Variants in SLC39A14 observed in about 807,000 individuals in gnomAD.
The protein encoded by SLC39A14 is solute carrier family 39 member 14.
A neutral mutation model predicts 45.5 loss-of-function variants in SLC39A14; 19 were observed. That is an observed-to-expected ratio of 0.42 (90% CI 0.29 to 0.61). The LOEUF is 0.61. Ranked by LOEUF, SLC39A14 falls within the 20% of genes least tolerant of loss-of-function variation. The pLI is 0.22. For synonymous variants in SLC39A14, 264 were observed against 251.3 expected, an observed-to-expected ratio of 1.05 and a Z score of -0.48; for missense variants, 447 against 616.5, an observed-to-expected ratio of 0.73 and a Z score of 2.91.
intron 1 of SLC39A14, among the ~76,000 whole-genome samples, chr8:22,370,498 G>T (rs10096738): frequency 0.035 from 5,343 of 152,262 alleles, 317 homozygotes; most frequent in African/African-American, 0.12. Context: ...GGACTTTGGT[G>T]ATCTTGGAGT....
chr8:22,404,855 C>A lies in SLC39A14; in HGVS notation c.145C>A (p.His49Asn), dbSNP rs1023012489. The change falls in exon 2 of 9, where the codon CAT becomes AAT. Residue 49 changes from histidine (H) to asparagine (N), a missense_variant. His to Asn is a moderately conservative substitution (Grantham distance 68). Around this residue, in one of 2 missense-constraint regions of SLC39A14, gnomAD observed 342 missense variants for 428.1 expected, o/e 0.80. Coordinates refer to ENST00000381237, the MANE Select transcript of SLC39A14 (RefSeq NM_001128431.4). ...SAASFLQDLI[H>N]RYGEGDSLTL... ...TGCCTCCTTCCTGCAGGATCTAATA[C>A]ATCGGTATGGCGAGGGTGACAGCCT... is the stretch of plus-strand genomic sequence containing the variant. The A allele has an allele frequency of 6.2e-7, 1 of 1,614,218 alleles. No homozygotes were observed. Among genetic ancestry groups the A allele is most frequent in the Admixed American group, 1.7e-5 (1 of 60,034 alleles).
chr8:22,416,322 G>A lies in SLC39A14; in HGVS notation c.1147+42G>A, dbSNP rs772785002. On this transcript the variant is annotated intron_variant, in intron 7 of 8. Coordinates refer to ENST00000381237, the MANE Select transcript of SLC39A14 (RefSeq NM_001128431.4). ...CGTTCCACTGGTGCTCCCTTGGGTG[G>A]TGGTGTAGGCCCCCTTCCTGTGGCC... 25 of 1,561,068 alleles carry A rather than the reference G, an allele frequency of 1.6e-5. No homozygotes were observed. In the Admixed American group the frequency reaches 2.5e-4, roughly 16 times the overall value.
chr8:22,392,577 G>A lies in SLC39A14; in HGVS notation c.-15-12119G>A, dbSNP rs532668346. 3.7e-4 allele frequency among the ~76,000 whole-genome samples: 56 copies of A among 152,354 alleles called. 1 individual carries two copies. The highest frequency in any genetic ancestry group is 1.3e-3 in the African/African-American group (55 of 41,592). On this transcript the variant is annotated intron_variant, in intron 1 of 8. Coordinates refer to ENST00000381237, the MANE Select transcript of SLC39A14 (RefSeq NM_001128431.4). The stretch of plus-strand genomic sequence containing the variant: ...CAAATGGGAGTGAACTTGGACGACA[G>A]GGAGAATTTTGCAACTGTCTGGGAA...
rs1218718510 is a variant in SLC39A14, at chr8:22,379,938, A to G, written c.-16+12530A>G. Among the ~76,000 whole-genome samples the G allele has an allele frequency of 3.6e-4, 48 of 132,382 alleles. 1 individual carries two copies. Among genetic ancestry groups the G allele is most frequent in the Middle Eastern group, 6.8e-3 (2 of 292 alleles). 86.8% of individuals were successfully genotyped at this position (132,382 alleles called of 152,430 possible). ...GTGAGACTCCATCTCAAAAAAAAAA[A>G]AAAAAAAAAGAAAAGAAAAGAAACA... On this transcript the variant is annotated intron_variant, in intron 1 of 8. Transcript: ENST00000381237.
In SLC39A14 at chr8:22,409,866, C is replaced by G. The variant is rs1835463673; in HGVS notation, c.457+1370C>G. On this transcript the variant is annotated intron_variant, in intron 3 of 8. Transcript: ENST00000381237. Reference sequence around the variant, plus strand: ...CAGTCTGCCCCATCACACCTGAATTCAGAACAGGGCCGCCCCAGGCAGCAG... The same window carrying G: ...CAGTCTGCCCCATCACACCTGAATTGAGAACAGGGCCGCCCCAGGCAGCAG... The G allele has an allele frequency of 2.0e-6, 3 of 1,503,940 alleles. No individual in the cohort carries two copies. The South Asian group carries it at 3.5e-5, about 18-fold the overall frequency. The allele number at this position is 1,503,940 out of a possible 1,614,324, so 93.2% of individuals were successfully genotyped here. A position where few individuals can be genotyped will look rare whatever the true frequency, so the allele number is the denominator to read the frequency against.
chr8:22,380,715 C>T (rs941099097), intron 1 of SLC39A14, among the ~76,000 whole-genome samples: 1 of 151,736 alleles, frequency 6.6e-6, no homozygotes, highest in Admixed American at 6.6e-5. Context: ...CTCACTCTGT[C>T]GCCCAGGCTG....
In SLC39A14 at chr8:22,421,022, C is replaced by T; in HGVS notation, c.*1324C>T. On this transcript the variant is annotated 3_prime_UTR_variant, in exon 9 of 9. Transcript: ENST00000381237. Reference sequence around the variant, plus strand: ...CTTAGCCACTGTGGAGCCCTTGCCTCCGAGCTCTGGCTTCAAGGGGAGCTC... The same window carrying T: ...CTTAGCCACTGTGGAGCCCTTGCCTTCGAGCTCTGGCTTCAAGGGGAGCTC... The T allele has an allele frequency of 1.0e-6, 1 of 985,866 alleles. No individual in the cohort carries two copies. Among genetic ancestry groups the T allele is most frequent in the Non-Finnish European group, 1.2e-6 (1 of 829,934 alleles). The allele number at this position is 985,866 out of a possible 1,614,324, so 61.1% of individuals were successfully genotyped here.
chr8:22,428,662 C>T (rs1250461672), intron 8 of SLC39A14, among the ~76,000 whole-genome samples: 2 of 151,630 alleles, frequency 1.3e-5, no homozygotes, highest in Non-Finnish European at 1.5e-5. Flanking sequence ...AGGCTGGTCT[C>T]GATCTCTTGA....
chr8:22,385,491 G>A (rs746874372), intron 1 of SLC39A14, among the ~76,000 whole-genome samples: 6 of 152,178 alleles, frequency 3.9e-5, no homozygotes, highest in African/African-American at 1.2e-4. Context: ...ACTGAGACCT[G>A]TTAGGAAGAT....
Position 22,421,651 on chromosome 8 carries a change from A to C in SLC39A14, c.*1953A>C. ...TTCAGGAGCTAGCAGAAAATAACTC[A>C]AAGTTGAAGACTCTGGAAGATTTTG... On this transcript the variant is annotated 3_prime_UTR_variant, in exon 9 of 9. Transcript: ENST00000381237. 1.0e-6 allele frequency: 1 copy of C among 985,804 alleles called. No homozygotes were observed. The highest frequency in any genetic ancestry group is 1.7e-5 in the African/African-American group (1 of 57,354). The allele number at this position is 985,804 out of a possible 1,614,324, so 61.1% of individuals were successfully genotyped here. A position where few individuals can be genotyped will look rare whatever the true frequency, so the allele number is the denominator to read the frequency against.
intron 1 of SLC39A14, among the ~76,000 whole-genome samples, chr8:22,370,184 G>A (rs1197467885): frequency 6.6e-6 from 1 of 152,028 alleles, no homozygotes; most frequent in Non-Finnish European, 1.5e-5. Flanking sequence ...GCACATGTGC[G>A]TGTGCGTGTG....
At chr8:22,423,358 CG>C (rs1223382646), downstream of SLC39A14, among the ~76,000 whole-genome samples, 1 of 142,406 alleles carries the variant, frequency 7.0e-6, no homozygotes, top group Non-Finnish European at 1.5e-5. Context: ...TTTTTTGAGA[CG>C]GAATCTCACT....
At chr8:22,411,717 C>T (rs1320166631) in intron 3 of SLC39A14, among the ~76,000 whole-genome samples, 1 of 152,198 alleles carries the variant, frequency 6.6e-6, no homozygotes. Context: ...ACACCACTGG[C>T]AGGAACGATT....
In SLC39A14 at chr8:22,422,350, A is replaced by C. The variant is rs1051708; in HGVS notation, c.*2652A>C. The C allele has an allele frequency of 0.35, 349,155 of 985,440 alleles. 62,931 individuals are homozygous for C. Among genetic ancestry groups the C allele is most frequent in the East Asian group, 0.59 (5,162 of 8,792 alleles). The allele number at this position is 985,440 out of a possible 1,614,324, so 61.0% of individuals were successfully genotyped here. ...CAAAGGTATTTTGTGTCTAGTGTCA[A>C]ATTGGAGCTATTCTTCACTGGTCCT... is the stretch of plus-strand genomic sequence containing the variant. On this transcript the variant is annotated 3_prime_UTR_variant, in exon 9 of 9. Transcript: ENST00000381237.
chr8:22,388,567 GA>G (rs1833906348), intron 1 of SLC39A14, among the ~76,000 whole-genome samples: 1 of 149,472 alleles, frequency 6.7e-6, no homozygotes, highest in Non-Finnish European at 1.5e-5. Context: ...GGGCGGTGAT[GA>G]AGTGGGGGCA....
At chr8:22,386,428 G>A (rs1250926979) in intron 1 of SLC39A14, among the ~76,000 whole-genome samples, 2 of 151,734 alleles carry the variant, frequency 1.3e-5, no homozygotes, top group Non-Finnish European at 2.9e-5. Context: ...CACCACGCCT[G>A]GCTAATTTTT....
intron 8 of SLC39A14, among the ~76,000 whole-genome samples, chr8:22,428,726 C>T (rs1020044571): frequency 1.3e-5 from 2 of 152,010 alleles, no homozygotes; most frequent in Admixed American, 1.3e-4. Context: ...CAGGCATGAG[C>T]CACTGCGCCA....
At chr8:22,397,589 CA>C (rs368412794) in intron 1 of SLC39A14, among the ~76,000 whole-genome samples, 148 of 142,366 alleles carry the variant, frequency 1.0e-3, no homozygotes, top group Admixed American at 1.1e-3. Flanking sequence ...GACTCCGTCC[CA>C]AAAAAAAAAA....
intron 8 of SLC39A14, among the ~76,000 whole-genome samples, chr8:22,431,681 G>A (rs1296028563): frequency 6.6e-6 from 1 of 152,066 alleles, no homozygotes; most frequent in Admixed American, 6.6e-5. Flanking sequence ...CATGAATCTT[G>A]GTTATTTCAA....
Sources: gnomAD v4.1 joint callset for allele counts (sites outside exome capture counted in the v4.1 genomes callset) on GRCh38, gnomAD v4.1.1 for gene constraint, gnomAD v4.1.1 regional missense constraint, MANE v1.5 for transcripts, NCBI Gene and HGNC (gene_info 2026-07-23, HGNC 2026-07-21) for gene names.